The following MOV10L1 variants were observed in gnomAD, a reference collection of about 807,000 sequenced individuals.
The protein encoded by MOV10L1 is RNA helicase Mov10l1.
In MOV10L1, 110 loss-of-function variants were observed where a neutral mutation model predicts 143.8. The observed-to-expected ratio is 0.76, with a 90% CI of 0.66 to 0.90. MOV10L1 has a LOEUF of 0.90. Among genes scored for constraint, MOV10L1 ranks in the 40% least tolerant of loss-of-function variants. The pLI is 0.00. For missense variants in MOV10L1, 1,406 were observed against 1,526.8 expected, an observed-to-expected ratio of 0.92 and a Z score of 1.32; for synonymous variants, 593 against 581.1, an observed-to-expected ratio of 1.02 and a Z score of -0.29.
intron 9 of MOV10L1, among the ~76,000 whole-genome samples, chr22:50,118,138 A>C (rs1164687858): frequency 6.6e-6 from 1 of 152,164 alleles, no homozygotes; most frequent in Non-Finnish European, 1.5e-5. Flanking sequence ...ATGAGGGATT[A>C]TGGACTTCTA....
At chr22:50,144,900 C>A (rs951931343) in intron 18 of MOV10L1, among the ~76,000 whole-genome samples, 6 of 151,302 alleles carry the variant, frequency 4.0e-5, no homozygotes, top group Admixed American at 2.0e-4. Context: ...TTTAAGTATT[C>A]CTTTAAGTTG....
At chr22:50,149,046 C>T (rs2063226846) in intron 19 of MOV10L1, among the ~76,000 whole-genome samples, 1 of 152,212 alleles carries the variant, frequency 6.6e-6, no homozygotes, top group Non-Finnish European at 1.5e-5. Flanking sequence ...AGGCAGTGCC[C>T]AGCTGAGAGT....
chr22:50,131,116 G>A (rs999169084), intron 13 of MOV10L1, among the ~76,000 whole-genome samples: 1 of 146,864 alleles, frequency 6.8e-6, no homozygotes, highest in African/African-American at 2.5e-5. Flanking sequence ...CACTGTGTTA[G>A]CCAGAATGGT....
chr22:50,145,751 C>CT lies in MOV10L1; in HGVS notation c.2570dup (p.Arg858ProfsTer36). The stretch of plus-strand genomic sequence containing the variant: ...GAGAAGACATCTGGAAAGCCTCACG[C>CT]TTCCGGATAATCATCACCACATGCA... On this transcript the variant is annotated frameshift_variant, in exon 19 of 27. Transcript: ENST00000262794. LOFTEE classifies it high-confidence loss of function. The CT allele has an allele frequency of 6.2e-7, 1 of 1,614,162 alleles. No homozygotes were observed. The highest frequency in any genetic ancestry group is 8.5e-7 in the Non-Finnish European group (1 of 1,180,022).
intron 7 of MOV10L1, 110 bp from the exon 8 acceptor site, chr22:50,115,004 G>T: frequency 1.6e-6 from 2 of 1,221,364 alleles, no homozygotes; most frequent in Non-Finnish European, 2.3e-6. Flanking sequence ...GTTTTTGTGT[G>T]CATCTGTCTT....
intron 3 of MOV10L1, among the ~76,000 whole-genome samples, chr22:50,104,999 C>A (rs1456301480): frequency 6.6e-6 from 1 of 151,792 alleles, no homozygotes; most frequent in African/African-American, 2.4e-5. Context: ...TCAAGCAGTC[C>A]TCCCACCTCA....
intron 9 of MOV10L1, among the ~76,000 whole-genome samples, chr22:50,119,630 G>T (rs1364673534): frequency 6.6e-6 from 1 of 151,014 alleles, no homozygotes; most frequent in Admixed American, 6.6e-5. Flanking sequence ...CCTTTACCTT[G>T]TTCGTGTTAG....
rs745767983 is a variant in MOV10L1, at chr22:50,099,603, G to T, written c.442+1G>T. 1 of 1,607,440 alleles carries T rather than the reference G, an allele frequency of 6.2e-7. No individual in the cohort carries two copies. The highest frequency in any genetic ancestry group is 8.5e-7 in the Non-Finnish European group (1 of 1,174,472). On this transcript the variant is annotated splice_donor_variant, in intron 3 of 26. Coordinates refer to ENST00000262794, the MANE Select transcript of MOV10L1 (RefSeq NM_018995.3). LOFTEE classifies it high-confidence loss of function. ...TTCTCTCTGGAGAGTGTGTGCGAAG[G>T]TATGCTCAGGGGTCTGTGTTCCACA... is the stretch of plus-strand genomic sequence containing the variant.
At chr22:50,125,094 G>A (rs1024064517) in intron 10 of MOV10L1, among the ~76,000 whole-genome samples, 11 of 152,162 alleles carry the variant, frequency 7.2e-5, no homozygotes, top group African/African-American at 2.4e-4. Flanking sequence ...CAGAATTAAC[G>A]TGGACAACCT....
chr22:50,091,635 A>G (rs560159656), intron 1 of MOV10L1, among the ~76,000 whole-genome samples: 1 of 152,268 alleles, frequency 6.6e-6, no homozygotes, highest in East Asian at 1.9e-4. Context: ...GGTAGTGACG[A>G]TTAGTCTCCA....
chr22:50,149,538 G>T, intron 19 of MOV10L1, 77 bp from the exon 20 acceptor site: 5 of 1,439,480 alleles, frequency 3.5e-6, no homozygotes, highest in South Asian at 2.5e-5. Flanking sequence ...GCTGAGCGTG[G>T]CTTTGCCAGT....
At chr22:50,149,823 A>T in intron 20 of MOV10L1, 109 bp downstream of exon 20, 1 of 993,762 alleles carries the variant, frequency 1.0e-6, no homozygotes, top group Non-Finnish European at 1.5e-6. Flanking sequence ...GGTCAGGTGG[A>T]AGTGCCAAGG....
intron 10 of MOV10L1, among the ~76,000 whole-genome samples, chr22:50,120,866 G>T: frequency 6.6e-6 from 1 of 152,204 alleles, no homozygotes; most frequent in Non-Finnish European, 1.5e-5. Flanking sequence ...GGGCCTTTGG[G>T]GTCTGGAGCA....
At chr22:50,141,542 G>A (rs1225090981) in intron 15 of MOV10L1, among the ~76,000 whole-genome samples, 1 of 142,404 alleles carries the variant, frequency 7.0e-6, no homozygotes, top group Non-Finnish European at 1.5e-5. Flanking sequence ...GTTTCACCAT[G>A]TTGCCCAGGC....
chr22:50,139,890 A>T (rs2147326668), intron 15 of MOV10L1, among the ~76,000 whole-genome samples: 1 of 152,276 alleles, frequency 6.6e-6, no homozygotes, highest in South Asian at 2.1e-4. Context: ...GGCCGCTGGC[A>T]CGTACCCTGC....
rs373673124 is a variant in MOV10L1, at chr22:50,138,785, C to T, written c.2071-3296C>T. On this transcript the variant is annotated intron_variant, in intron 15 of 26. Coordinates refer to ENST00000262794, the MANE Select transcript of MOV10L1 (RefSeq NM_018995.3). ...AGTGGCGGATCTCGGCTCACTGCAA[C>T]CTCCGCCTCCCAGATTCAAGCAGTT... Among the ~76,000 whole-genome samples, 19 of 152,126 alleles carry T rather than the reference C, an allele frequency of 1.2e-4. No homozygotes were observed. The East Asian group carries it at 2.3e-3, about 19-fold the overall frequency.
At chr22:50,098,666 A>G (rs1045539362) in intron 2 of MOV10L1, among the ~76,000 whole-genome samples, 3 of 152,168 alleles carry the variant, frequency 2.0e-5, no homozygotes, top group East Asian at 1.9e-4. Context: ...AGAGTTTTCC[A>G]CAGATGAGAT....
intron 3 of MOV10L1, among the ~76,000 whole-genome samples, chr22:50,101,593 C>G (rs1369675717): frequency 6.6e-6 from 1 of 151,054 alleles, no homozygotes; most frequent in Non-Finnish European, 1.5e-5. Flanking sequence ...CTCACTGTAA[C>G]CTCCACCTCC....
In MOV10L1 at chr22:50,143,074, G is replaced by A; in HGVS notation, c.2211G>A (p.Lys737=). Residue 737 remains lysine (K), a synonymous_variant, in exon 17 of 27, where the codon AAG becomes AAA. Coordinates refer to ENST00000262794, the MANE Select transcript of MOV10L1 (RefSeq NM_018995.3). ...AAATTCAGACCCCTAAAGCAAGAAAGATGGAGTTTTTCAACCCAGTGCTAA... is the reference window on the plus strand; with the variant it reads ...AAATTCAGACCCCTAAAGCAAGAAAAATGGAGTTTTTCAACCCAGTGCTAA... The part of the protein sequence containing the change: ...VDEIQTPKAR[K]MEFFNPVLNE... The A allele has an allele frequency of 6.2e-7, 1 of 1,614,174 alleles. No individual in the cohort carries two copies. The highest frequency in any genetic ancestry group is 8.5e-7 in the Non-Finnish European group (1 of 1,180,020).
Sources: allele counts gnomAD v4.1 joint callset (sites outside exome capture counted in the v4.1 genomes callset), GRCh38; gene constraint gnomAD v4.1.1; transcripts MANE v1.5; gene names NCBI Gene and HGNC (gene_info 2026-07-23, HGNC 2026-07-21).